Variants in CSMD1 observed in about 807,000 individuals in gnomAD.
CSMD1 encodes CUB and Sushi multiple domains 1.
A neutral mutation model predicts 417.5 loss-of-function variants in CSMD1; 213 were observed. The ratio of observed to expected loss-of-function variants is 0.51; its 90% CI spans 0.46 to 0.57. The LOEUF is 0.57. CSMD1 is among the 20% of genes least tolerant of loss of function. The pLI is 0.00. For missense variants in CSMD1, 6,923 were observed against 4,529.7 expected (o/e 1.53, Z -15.17); for synonymous variants, 2,862 against 1,736.8 (o/e 1.65, Z -16.11).
At chr8:4,446,951 C>A (rs1052068826) in intron 2 of CSMD1, among the ~76,000 whole-genome samples, 3 of 141,704 alleles carry the variant, frequency 2.1e-5, no homozygotes, top group Admixed American at 6.9e-5. Context: ...AAAAAAAAAA[C>A]ATTGGCCCTA....
chr8:3,554,963 G>C (rs1312034230), intron 10 of CSMD1, among the ~76,000 whole-genome samples: 1 of 152,006 alleles, frequency 6.6e-6, no homozygotes, highest in Non-Finnish European at 1.5e-5. Flanking sequence ...GAGAAGCCCA[G>C]ACACCTGGGC....
intron 1 of CSMD1, among the ~76,000 whole-genome samples, chr8:4,647,247 T>C (rs1803574720): frequency 6.6e-6 from 1 of 151,942 alleles, no homozygotes; most frequent in African/African-American, 2.4e-5. Flanking sequence ...TTTTTTTTTT[T>C]TTTAATTTCT....
At chr8:4,723,054 T>A (rs371395237) in intron 1 of CSMD1, among the ~76,000 whole-genome samples, 7 of 152,112 alleles carry the variant, frequency 4.6e-5, no homozygotes, top group African/African-American at 1.7e-4. Flanking sequence ...ACAGTATTGA[T>A]CTCCTTTCAA....
chr8:4,334,726 T>C (rs887365906), intron 3 of CSMD1, among the ~76,000 whole-genome samples: 1 of 152,300 alleles, frequency 6.6e-6, no homozygotes, highest in African/African-American at 2.4e-5. Flanking sequence ...TTTATTTGCA[T>C]AGATACTTGA....
At chr8:3,456,323 C>A (rs949874062) in intron 12 of CSMD1, among the ~76,000 whole-genome samples, 3 of 152,170 alleles carry the variant, frequency 2.0e-5, no homozygotes, top group African/African-American at 7.2e-5. Flanking sequence ...CTGTCCGACA[C>A]TCCCCAGTGA....
At chr8:3,691,222 G>C (rs1189760455) in intron 7 of CSMD1, among the ~76,000 whole-genome samples, 1 of 151,962 alleles carries the variant, frequency 6.6e-6, no homozygotes, top group Admixed American at 6.6e-5. Context: ...CAAAAAATTA[G>C]CCGGGCACGG....
intron 2 of CSMD1, among the ~76,000 whole-genome samples, chr8:4,579,910 T>TTTAA (rs1320212233): frequency 4.6e-5 from 7 of 152,216 alleles, no homozygotes; most frequent in African/African-American, 1.4e-4. Flanking sequence ...TAATTAAGTC[T>TTTAA]TTAACTCCAG....
At chr8:4,296,933 T>C (rs1029284142) in intron 3 of CSMD1, among the ~76,000 whole-genome samples, 1 of 152,006 alleles carries the variant, frequency 6.6e-6, no homozygotes, top group Non-Finnish European at 1.5e-5. Context: ...TGATGGACAA[T>C]GGTACACAAA....
At chr8:3,651,268 G>T (rs1797842398) in intron 7 of CSMD1, among the ~76,000 whole-genome samples, 1 of 152,076 alleles carries the variant, frequency 6.6e-6, no homozygotes. Flanking sequence ...CACCTCAAAG[G>T]ATTCCATTTC....
chr8:4,926,365 CTTT>C (rs755602163), intron 1 of CSMD1, among the ~76,000 whole-genome samples: 4 of 152,180 alleles, frequency 2.6e-5, no homozygotes, highest in Non-Finnish European at 5.9e-5. Flanking sequence ...ACCATGAACT[CTTT>C]ATCTTTACGA....
intron 3 of CSMD1, among the ~76,000 whole-genome samples, chr8:4,323,076 C>G (rs1799358426): frequency 1.4e-5 from 2 of 147,588 alleles, no homozygotes; most frequent in Non-Finnish European, 3.0e-5. Context: ...GAGAGTTAAG[C>G]AGCGAAGGAA....
chr8:3,668,414 G>GTA (rs1798815562), intron 7 of CSMD1, among the ~76,000 whole-genome samples: 1 of 152,154 alleles, frequency 6.6e-6, no homozygotes, highest in African/African-American at 2.4e-5. Flanking sequence ...GATAACTCAG[G>GTA]TAGCTACAGT....
chr8:3,680,046 G>A (rs1291513496), intron 7 of CSMD1, among the ~76,000 whole-genome samples: 2 of 151,934 alleles, frequency 1.3e-5, no homozygotes, highest in African/African-American at 2.4e-5. Flanking sequence ...GTGTGTAGAG[G>A]AAAATTTATA....
intron 1 of CSMD1, among the ~76,000 whole-genome samples, chr8:4,921,878 T>C (rs1276734403): frequency 6.6e-6 from 1 of 152,194 alleles, no homozygotes; most frequent in Non-Finnish European, 1.5e-5. Context: ...AGTGACTGTA[T>C]TCACTCAGAA....
chr8:3,261,414 A>G (rs564568020), intron 26 of CSMD1, among the ~76,000 whole-genome samples: 1 of 152,362 alleles, frequency 6.6e-6, no homozygotes, highest in East Asian at 1.9e-4. Context: ...GGTGCAGTAT[A>G]TACGGCTTGG....
In CSMD1 at chr8:3,827,434, T is replaced by A. The variant is rs374942080; in HGVS notation, c.819-73392A>T. Among the ~76,000 whole-genome samples, 74 of 152,330 alleles carry A rather than the reference T, an allele frequency of 4.9e-4. No individual in the cohort carries two copies. The South Asian group carries it at 0.014, about 29-fold the overall frequency. ...TAGTTGGAAAAATAAACACATCTTA[T>A]TAAGCAAATATTTTAATAGTGCAAA... On this transcript the variant is annotated intron_variant, in intron 5 of 69. Coordinates refer to ENST00000635120, the MANE Select transcript of CSMD1 (RefSeq NM_033225.6).
chr8:3,425,902 T>C (rs1415009294), intron 12 of CSMD1, among the ~76,000 whole-genome samples: 2 of 152,150 alleles, frequency 1.3e-5, no homozygotes, highest in Non-Finnish European at 2.9e-5. Context: ...CTACCATCTC[T>C]AAAAGGTGAG....
intron 6 of CSMD1, among the ~76,000 whole-genome samples, chr8:3,751,617 A>C (rs1797347895): frequency 6.6e-6 from 1 of 151,364 alleles, no homozygotes; most frequent in Non-Finnish European, 1.5e-5. Flanking sequence ...TACTCTATAT[A>C]ATACTTTCAT....
At chr8:4,392,086 G>T (rs1029721457) in intron 3 of CSMD1, among the ~76,000 whole-genome samples, 2 of 152,196 alleles carry the variant, frequency 1.3e-5, no homozygotes, top group Admixed American at 1.3e-4. Flanking sequence ...GCAGCTGCAT[G>T]AGTGTCCAAG....
Sources: gnomAD v4.1 joint callset for allele counts (sites outside exome capture counted in the v4.1 genomes callset) on GRCh38, gnomAD v4.1.1 for gene constraint, MANE v1.5 for transcripts, NCBI Gene and HGNC (gene_info 2026-07-23, HGNC 2026-07-21) for gene names.